The following DIP2B variants were observed in gnomAD, a reference collection of about 807,000 sequenced individuals.
DIP2B encodes the protein disco-interacting protein 2 homolog B.
In DIP2B, 76 loss-of-function variants were observed where a neutral mutation model predicts 198.0. The ratio of observed to expected loss-of-function variants is 0.38; its 90% confidence interval spans 0.32 to 0.46. The LOEUF (loss-of-function observed/expected upper bound fraction) is 0.46, where lower values mean the gene tolerates loss of function less well. Among genes scored for constraint, DIP2B ranks in the 20% least tolerant of loss-of-function variants. DIP2B has a pLI of 0.99. For missense variants in DIP2B, 1,559 were observed against 1,978.4 expected, an observed-to-expected ratio of 0.79 and a Z score of 4.02; for synonymous variants, 701 against 739.1, an observed-to-expected ratio of 0.95 and a Z score of 0.84.
intron 9 of DIP2B, among the ~76,000 whole-genome samples, chr12:50,682,063 A>G (rs1939049668): frequency 6.6e-6 from 1 of 152,350 alleles, no homozygotes; most frequent in South Asian, 2.1e-4. Flanking sequence ...TATCCAAACC[A>G]AGTAAGAAAC....
chr12:50,718,625 C>T, intron 23 of DIP2B, 84 bp from the exon 24 acceptor site: 4 of 1,185,062 alleles, frequency 3.4e-6, no homozygotes, highest in Non-Finnish European at 4.9e-6. Context: ...AATATTTGAA[C>T]CAGTTTTGGT....
chr12:50,618,697 C>T (rs990333592), intron 1 of DIP2B, among the ~76,000 whole-genome samples: 3 of 152,180 alleles, frequency 2.0e-5, no homozygotes, highest in African/African-American at 7.2e-5. Context: ...TTCTGTGCCT[C>T]ACTGTCCTCA....
chr12:50,587,663 T>C (rs189863017), intron 1 of DIP2B, among the ~76,000 whole-genome samples: 5 of 152,354 alleles, frequency 3.3e-5, no homozygotes, highest in Admixed American at 3.3e-4. Context: ...CAGTGTCTCC[T>C]ATGTTTTGAG....
chr12:50,658,162 A>G (rs1240792618), intron 3 of DIP2B, among the ~76,000 whole-genome samples: 1 of 151,756 alleles, frequency 6.6e-6, no homozygotes, highest in Non-Finnish European at 1.5e-5. Context: ...TTTGAGACAG[A>G]GTCTTGCTCT....
intron 1 of DIP2B, among the ~76,000 whole-genome samples, chr12:50,623,897 C>T (rs1306940544): frequency 6.6e-6 from 1 of 152,114 alleles, no homozygotes; most frequent in Non-Finnish European, 1.5e-5. Context: ...TCCATGGTGA[C>T]AAAAATGTTT....
At chr12:50,712,723 A>G (rs1325044793) in intron 22 of DIP2B, among the ~76,000 whole-genome samples, 1 of 152,172 alleles carries the variant, frequency 6.6e-6, no homozygotes, top group Non-Finnish European at 1.5e-5. Flanking sequence ...CCTAGCCAAC[A>G]TAGTGAAACC....
chr12:50,633,797 G>A (rs145858934), intron 2 of DIP2B, among the ~76,000 whole-genome samples: 10 of 152,080 alleles, frequency 6.6e-5, no homozygotes, highest in African/African-American at 2.2e-4. Context: ...TAATTCAGTA[G>A]CATCATAGGG....
At chr12:50,710,176 G>A (rs933863763) in intron 22 of DIP2B, among the ~76,000 whole-genome samples, 1 of 151,984 alleles carries the variant, frequency 6.6e-6, no homozygotes, top group African/African-American at 2.4e-5. Context: ...TTTTGTTCAG[G>A]GCTCGATCCC....
chr12:50,615,942 ACTT>A (rs1156887508), intron 1 of DIP2B, among the ~76,000 whole-genome samples: 6 of 152,316 alleles, frequency 3.9e-5, no homozygotes, highest in East Asian at 1.9e-4. Context: ...TGTAGAGCAA[ACTT>A]CTTCTTTGCA....
intron 1 of DIP2B, among the ~76,000 whole-genome samples, chr12:50,604,464 A>ATT (rs902422193): frequency 1.4e-5 from 2 of 146,408 alleles, no homozygotes; most frequent in South Asian, 4.3e-4. Flanking sequence ...ACTTGATTGC[A>ATT]TTTTTTTTTT....
chr12:50,579,597 G>T (rs1443109197), intron 1 of DIP2B, among the ~76,000 whole-genome samples: 1 of 107,564 alleles, frequency 9.3e-6, no homozygotes, highest in Non-Finnish European at 1.8e-5. Context: ...GGGTGATAGA[G>T]TGAGACTCCG....
rs1958213882 is a variant in DIP2B, at chr12:50,531,194, T to C, written c.100+25954T>C. 3.3e-5 allele frequency among the ~76,000 whole-genome samples: 5 copies of C among 152,182 alleles called. No individual in the cohort carries two copies. The South Asian group carries it at 1.0e-3, about 31-fold the overall frequency. On this transcript the variant is annotated intron_variant, in intron 1 of 37. Coordinates refer to ENST00000301180, the MANE Select transcript of DIP2B (RefSeq NM_173602.3). ...CCGAGTAGCTGGGACTACAGATGCC[T>C]GTCACCACGCCTGGCTAATTTTTTT...
intron 21 of DIP2B, among the ~76,000 whole-genome samples, chr12:50,707,996 C>T (rs556915651): frequency 2.6e-5 from 4 of 152,216 alleles, no homozygotes; most frequent in East Asian, 3.9e-4. Context: ...TCCTTCTGCC[C>T]GGAAACCTCT....
At chr12:50,686,465 T>A in intron 11 of DIP2B, 108 bp from the exon 12 acceptor site, 3 of 901,446 alleles carry the variant, frequency 3.3e-6, no homozygotes, top group Non-Finnish European at 5.0e-6. Context: ...TTTTATTGAT[T>A]ATAAAATGAT....
intron 3 of DIP2B, among the ~76,000 whole-genome samples, chr12:50,645,708 C>T (rs1454887008): frequency 6.6e-6 from 1 of 152,142 alleles, no homozygotes; most frequent in Non-Finnish European, 1.5e-5. Context: ...ATCCTCCCGC[C>T]TTGGCCTCCC....
intron 36 of DIP2B, among the ~76,000 whole-genome samples, chr12:50,741,156 T>C (rs1374941246): frequency 6.6e-6 from 1 of 152,244 alleles, no homozygotes; most frequent in East Asian, 1.9e-4. Context: ...TAATTTCTGG[T>C]ATCATTTACA....
intron 3 of DIP2B, among the ~76,000 whole-genome samples, chr12:50,643,280 C>A (rs1938291169): frequency 6.6e-6 from 1 of 151,994 alleles, no homozygotes; most frequent in Non-Finnish European, 1.5e-5. Flanking sequence ...TTTTGATTAT[C>A]CCAAGTATTA....
chr12:50,543,278 T>G (rs1267777988), intron 1 of DIP2B, among the ~76,000 whole-genome samples: 2 of 144,384 alleles, frequency 1.4e-5, no homozygotes, highest in African/African-American at 2.6e-5. Context: ...GCTGTTAAAG[T>G]TTTTTTTTTT....
intron 1 of DIP2B, among the ~76,000 whole-genome samples, chr12:50,598,734 TC>T (rs1430202311): frequency 4.5e-3 from 1 of 224 alleles, no homozygotes; most frequent in Non-Finnish European, 7.1e-3. Flanking sequence ...TTCCCTCCCC[TC>T]CCCCCTCCCC....
Sources: gnomAD v4.1 joint callset for allele counts (sites outside exome capture counted in the v4.1 genomes callset) on GRCh38, gnomAD v4.1.1 for gene constraint, MANE v1.5 for transcripts, NCBI Gene and HGNC (gene_info 2026-07-23, HGNC 2026-07-21) for gene names.